Variants in MAN2A1 observed in about 807,000 individuals in gnomAD.
MAN2A1 encodes the protein alpha-mannosidase 2.
MAN2A1 carries 76 observed loss-of-function variants against 142.6 expected under a neutral mutation model. The ratio of observed to expected loss-of-function variants is 0.53; its 90% confidence interval spans 0.44 to 0.65. MAN2A1 has a LOEUF of 0.65. Among genes scored for constraint, MAN2A1 ranks in the 30% least tolerant of loss-of-function variants. The pLI, the probability that MAN2A1 is intolerant of heterozygous loss-of-function variation, is 0.00. For missense variants in MAN2A1, 1,311 were observed against 1,365.1 expected, an observed-to-expected ratio of 0.96 and a Z score of 0.62; for synonymous variants, 559 against 473.2, an observed-to-expected ratio of 1.18 and a Z score of -2.35.
intron 12 of MAN2A1, among the ~76,000 whole-genome samples, chr5:109,811,362 G>T (rs1286944149): frequency 1.3e-5 from 2 of 152,010 alleles, no homozygotes; most frequent in East Asian, 3.9e-4. Flanking sequence ...GGTTGGCACT[G>T]CATAAGACTT....
At chr5:109,719,393 A>G (rs551912227) in intron 3 of MAN2A1, among the ~76,000 whole-genome samples, 3 of 152,366 alleles carry the variant, frequency 2.0e-5, no homozygotes, top group Admixed American at 6.5e-5. Flanking sequence ...AAATATTGAC[A>G]AATAAATTAT....
chr5:109,802,192 A>G (rs1754050278), intron 12 of MAN2A1, among the ~76,000 whole-genome samples: 1 of 152,176 alleles, frequency 6.6e-6, no homozygotes, highest in Non-Finnish European at 1.5e-5. Flanking sequence ...TGTACTGTGT[A>G]GACTGCCCAT....
intron 1 of MAN2A1, among the ~76,000 whole-genome samples, chr5:109,707,859 G>C (rs1172789108): frequency 6.6e-6 from 1 of 152,148 alleles, no homozygotes; most frequent in Non-Finnish European, 1.5e-5. Context: ...CTTTACTGGA[G>C]ATCTGAGGAC....
intron 1 of MAN2A1, among the ~76,000 whole-genome samples, chr5:109,710,074 A>G (rs910478274): frequency 6.6e-6 from 1 of 152,172 alleles, no homozygotes; most frequent in African/African-American, 2.4e-5. Flanking sequence ...ATTCCACCGC[A>G]TAATATAATT....
At chr5:109,697,608 A>G (rs192555607) in intron 1 of MAN2A1, among the ~76,000 whole-genome samples, 39 of 152,360 alleles carry the variant, frequency 2.6e-4, no homozygotes, top group African/African-American at 9.4e-4. Flanking sequence ...AGCCATGGTC[A>G]TTCATCTACC....
rs1195632540 is a variant in MAN2A1, at chr5:109,690,615, G to C, written c.135+63G>C. On this transcript the variant is annotated intron_variant, in intron 1 of 21. Transcript: ENST00000261483. ...CCAGGCGTGCGGGCCCCTGGTTAGC[G>C]GCTGCTACCCAACCTCTTCCTCCCG... 4.6e-6 allele frequency: 7 copies of C among 1,517,788 alleles called. No individual in the cohort carries two copies. In the East Asian group the frequency reaches 1.5e-4, roughly 32 times the overall value. 94.0% of individuals were successfully genotyped at this position (1,517,788 alleles called of 1,614,324 possible).
intron 5 of MAN2A1, among the ~76,000 whole-genome samples, chr5:109,762,425 A>T (rs1308558494): frequency 6.6e-6 from 1 of 152,058 alleles, no homozygotes; most frequent in African/African-American, 2.4e-5. Flanking sequence ...GTGCATGTGC[A>T]CACATACATA....
At chr5:109,866,452 G>C (rs1168476062) in intron 21 of MAN2A1, among the ~76,000 whole-genome samples, 2 of 152,122 alleles carry the variant, frequency 1.3e-5, no homozygotes, top group Non-Finnish European at 2.9e-5. Context: ...TTGACTAAAA[G>C]AGAATGAGGA....
chr5:109,799,907 G>T (rs1441969949), intron 12 of MAN2A1, among the ~76,000 whole-genome samples: 1 of 152,198 alleles, frequency 6.6e-6, no homozygotes, highest in East Asian at 1.9e-4. Flanking sequence ...GGCCAACATG[G>T]TGAAACCCTA....
intron 1 of MAN2A1, among the ~76,000 whole-genome samples, chr5:109,692,821 G>C (rs1160373282): frequency 6.6e-6 from 1 of 151,808 alleles, no homozygotes; most frequent in East Asian, 1.9e-4. Context: ...GGGGTTTCGG[G>C]GGATGGTTTG....
intron 4 of MAN2A1, among the ~76,000 whole-genome samples, chr5:109,750,535 A>G (rs145733196): frequency 7.2e-4 from 110 of 152,082 alleles, no homozygotes; most frequent in African/African-American, 2.3e-3. Context: ...CTTCCATGGG[A>G]TGTTTTGTTC....
rs1751365708 is a variant in MAN2A1 at position 109,713,606 on chromosome 5, C to T, written c.222C>T (p.Asp74=). The T allele has an allele frequency of 6.2e-7, 1 of 1,613,902 alleles. No homozygotes were observed. The stretch of plus-strand genomic sequence containing the variant: ...ATGAGATCATCTCAAATATTAGAGA[C>T]TCAGTCATCAATTTGAGTGAGTCTG... The part of the protein sequence containing the change: ...ENNEIISNIR[D]SVINLSESVE... The change falls in exon 2 of 22, where the codon GAC becomes GAT. Residue 74 remains aspartate (D), a synonymous_variant. Transcript: ENST00000261483.
At position 109,716,246 on chromosome 5, in the gene MAN2A1, C is replaced by T. The variant is rs1473760470; in HGVS notation, c.517C>T (p.His173Tyr). ...ACCCCTTCAAGTCTTTGTGGTGCCTCATTCCCATAACGACCCAGGTAAAAT... is the reference window on the plus strand; with the variant it reads ...ACCCCTTCAAGTCTTTGTGGTGCCTTATTCCCATAACGACCCAGGTAAAAT... ...TEPLQVFVVP[H>Y]SHNDPGWLKT... is the part of the protein sequence containing the mutation. The change falls in exon 3 of 22, where the codon CAT (histidine) becomes TAT (tyrosine). Residue 173 changes from histidine to tyrosine, a missense_variant. His to Tyr is a moderately conservative substitution (Grantham distance 83). Coordinates refer to ENST00000261483, the MANE Select transcript of MAN2A1 (RefSeq NM_002372.4). The T allele has an allele frequency of 6.2e-7, 1 of 1,603,042 alleles. No individual in the cohort carries two copies.
chr5:109,698,648 A>AT lies in MAN2A1; in HGVS notation c.135+8098dup, dbSNP rs370537698. Among the ~76,000 whole-genome samples the AT allele has an allele frequency of 5.0e-3, 768 of 152,316 alleles. 7 individuals are homozygous for AT. The highest frequency in any genetic ancestry group is 0.017 in the African/African-American group (724 of 41,572). On this transcript the variant is annotated intron_variant, in intron 1 of 21. Transcript: ENST00000261483. The stretch of plus-strand genomic sequence containing the variant: ...GTGGTGCCTTTGGAAGTCCAGAGAA[A>AT]TTAAATGCTTTTTCCAAGAGCAGAG...
chr5:109,780,905 G>A (rs1264930638), intron 8 of MAN2A1, among the ~76,000 whole-genome samples: 1 of 152,060 alleles, frequency 6.6e-6, no homozygotes, highest in Non-Finnish European at 1.5e-5. Context: ...AACTCAACTG[G>A]GGGAAAACGG....
intron 16 of MAN2A1, among the ~76,000 whole-genome samples, chr5:109,834,856 A>G (rs1167489673): frequency 6.6e-6 from 1 of 152,200 alleles, no homozygotes; most frequent in Non-Finnish European, 1.5e-5. Flanking sequence ...AGTGACTCAG[A>G]CGATAAATTA....
intron 4 of MAN2A1, among the ~76,000 whole-genome samples, chr5:109,745,976 T>G (rs1398829024): frequency 2.0e-5 from 3 of 152,168 alleles, no homozygotes; most frequent in African/African-American, 7.2e-5. Context: ...TGTTACTTTT[T>G]TTTGTTTGTT....
Position 109,770,505 on chromosome 5 carries a change from C to A in MAN2A1, c.1160C>A (p.Pro387His), listed in dbSNP as rs150646560. Residue 387 changes from proline to histidine, a missense_variant, in exon 7 of 22, where the codon CCC becomes CAC. Transcript: ENST00000261483. ...AGATTTGGTTGTCCCTGGGGAGTCC[C>A]CCCAGAAACAATACATCCTGGAAAT... ...GGRFGCPWGV[P>H]PETIHPGNVQ... 4 of 1,613,768 alleles carry A rather than the reference C, an allele frequency of 2.5e-6. No homozygotes were observed. Among genetic ancestry groups the A allele is most frequent in the African/African-American group, 1.3e-5 (1 of 74,890 alleles).
chr5:109,823,877 T>G, intron 16 of MAN2A1, 40 bp downstream of exon 16: 1 of 999,234 alleles, frequency 1.0e-6, no homozygotes. Context: ...ATATGTATTA[T>G]GGTTTTTGAA....
Sources: allele counts gnomAD v4.1 joint callset (sites outside exome capture counted in the v4.1 genomes callset), GRCh38; gene constraint gnomAD v4.1.1; transcripts MANE v1.5; gene names NCBI Gene and HGNC (gene_info 2026-07-23, HGNC 2026-07-21).